CDH13: variants seen among roughly 807,000 people sequenced by gnomAD.
CDH13 encodes cadherin-13.
A neutral mutation model predicts 63.8 loss-of-function variants in CDH13; 24 were observed. The ratio of observed to expected loss-of-function variants is 0.38; its 90% confidence interval spans 0.27 to 0.53. The LOEUF is 0.53. CDH13 is among the 20% of genes least tolerant of loss of function. The pLI, the probability that CDH13 is intolerant of heterozygous loss-of-function variation, is 0.85. For synonymous variants in CDH13, 503 were observed against 355.3 expected, an observed-to-expected ratio of 1.42 and a Z score of -4.67; for missense variants, 1,049 against 903.1, an observed-to-expected ratio of 1.16 and a Z score of -2.07.
intron 1 of CDH13, among the ~76,000 whole-genome samples, chr16:82,833,420 G>C (rs992471785): frequency 6.6e-6 from 1 of 152,170 alleles, no homozygotes; most frequent in Non-Finnish European, 1.5e-5. Context: ...CTCAAAGCCA[G>C]GTTTGCTTGA....
chr16:83,346,158 C>T (rs2090835399), intron 6 of CDH13, among the ~76,000 whole-genome samples: 1 of 152,170 alleles, frequency 6.6e-6, no homozygotes, highest in Non-Finnish European at 1.5e-5. Context: ...AGCAAATGCA[C>T]TGCGTGTGTG....
At chr16:83,000,223 A>ATTATTTTTT (rs1912728584) in intron 2 of CDH13, among the ~76,000 whole-genome samples, 1 of 36,986 alleles carries the variant, frequency 2.7e-5, no homozygotes, top group African/African-American at 7.8e-5. Flanking sequence ...GGTTTAGCTT[A>ATTATTTTTT]TTTTTTTTTT....
chr16:83,718,683 C>A (rs930769803), intron 10 of CDH13, among the ~76,000 whole-genome samples: 1 of 152,158 alleles, frequency 6.6e-6, no homozygotes, highest in African/African-American at 2.4e-5. Flanking sequence ...AAATCCACCA[C>A]CACGATGGGT....
chr16:83,538,359 G>A (rs963165885), intron 7 of CDH13, among the ~76,000 whole-genome samples: 4 of 152,176 alleles, frequency 2.6e-5, no homozygotes, highest in African/African-American at 9.7e-5. Context: ...ACTCATCTCC[G>A]TAGATGATCA....
At chr16:83,381,850 G>T (rs1385473327) in intron 6 of CDH13, among the ~76,000 whole-genome samples, 1 of 152,032 alleles carries the variant, frequency 6.6e-6, no homozygotes, top group African/African-American at 2.4e-5. Context: ...CTAACAAGTT[G>T]CTCCTTATAC....
intron 1 of CDH13, among the ~76,000 whole-genome samples, chr16:82,663,144 C>A (rs1912165233): frequency 6.6e-6 from 1 of 152,114 alleles, no homozygotes; most frequent in South Asian, 2.1e-4. Context: ...TGAATAAATA[C>A]CCTTACTGAA....
intron 2 of CDH13, among the ~76,000 whole-genome samples, chr16:82,897,411 T>A (rs936819507): frequency 6.6e-6 from 1 of 152,238 alleles, no homozygotes; most frequent in Non-Finnish European, 1.5e-5. Flanking sequence ...AAAGAATTAC[T>A]CCTTCATGTT....
At chr16:82,695,076 C>T (rs937369627) in intron 1 of CDH13, among the ~76,000 whole-genome samples, 5 of 151,992 alleles carry the variant, frequency 3.3e-5, no homozygotes, top group South Asian at 2.1e-4. Context: ...AAAGTCCTGT[C>T]GGCTGGAGGA....
chr16:83,460,677 C>T lies in CDH13; in HGVS notation c.782-25800C>T, dbSNP rs113976333. ...ACAGATAAGAAGTAAAACTATGAAGCAAAACAATGAATAATAGATTTAAAA... is the reference window on the plus strand; with the variant it reads ...ACAGATAAGAAGTAAAACTATGAAGTAAAACAATGAATAATAGATTTAAAA... On this transcript the variant is annotated intron_variant, in intron 6 of 13. Coordinates refer to ENST00000567109, the MANE Select transcript of CDH13 (RefSeq NM_001257.5). 5.6e-3 allele frequency among the ~76,000 whole-genome samples: 845 copies of T among 152,062 alleles called. 7 individuals are homozygous for T. The highest frequency in any genetic ancestry group is 0.019 in the African/African-American group (794 of 41,470).
intron 1 of CDH13, among the ~76,000 whole-genome samples, chr16:82,749,660 T>C (rs534750294): frequency 6.6e-6 from 1 of 152,322 alleles, no homozygotes; most frequent in Non-Finnish European, 1.5e-5. Context: ...TTCCATTGCA[T>C]TATGTATATA....
At chr16:82,730,535 T>G (rs759774819) in intron 1 of CDH13, among the ~76,000 whole-genome samples, 117 of 152,312 alleles carry the variant, frequency 7.7e-4, no homozygotes, top group Non-Finnish European at 1.2e-3. Context: ...GTTACAATAG[T>G]AACATCAAAG....
intron 1 of CDH13, among the ~76,000 whole-genome samples, chr16:82,677,748 C>G (rs1393945016): frequency 6.6e-6 from 1 of 152,200 alleles, no homozygotes; most frequent in African/African-American, 2.4e-5. Context: ...TATACTAACA[C>G]AAATGTTTTC....
Position 82,627,380 on chromosome 16 carries a change from G to GTGTGTGTA in CDH13, c.45+244_45+245insGTGTGTAT, listed in dbSNP as rs1468653196. On this transcript the variant is annotated intron_variant, in intron 1 of 13. Coordinates refer to ENST00000567109, the MANE Select transcript of CDH13 (RefSeq NM_001257.5). ...TGTGTGTGTGTGTGTGTGTGTGTGT[G>GTGTGTGTA]TACGTTCGTTAACGGGAGGAGGAGA... 2.9e-4 allele frequency among the ~76,000 whole-genome samples: 41 copies of GTGTGTGTA among 142,520 alleles called. No homozygotes were observed. The East Asian group carries it at 8.0e-3, about 28-fold the overall frequency. The allele number at this position is 142,520 out of a possible 152,430, so 93.5% of individuals were successfully genotyped here. A position where few individuals can be genotyped will look rare whatever the true frequency, so the allele number is the denominator to read the frequency against.
intron 7 of CDH13, among the ~76,000 whole-genome samples, chr16:83,517,909 A>C (rs1255728808): frequency 6.6e-6 from 1 of 152,066 alleles, no homozygotes; most frequent in Admixed American, 6.5e-5. Flanking sequence ...TCTGAGGTCG[A>C]TATTATTATC....
chr16:82,732,518 C>T (rs534783044), intron 1 of CDH13, among the ~76,000 whole-genome samples: 7 of 152,252 alleles, frequency 4.6e-5, no homozygotes, highest in Non-Finnish European at 7.4e-5. Context: ...ATTTCTGAAG[C>T]TGTTGTAAAT....
chr16:83,471,905 C>A (rs139788368), intron 6 of CDH13, among the ~76,000 whole-genome samples: 1 of 152,158 alleles, frequency 6.6e-6, no homozygotes, highest in African/African-American at 2.4e-5. Context: ...GATTGTCTCC[C>A]TTGTACAAAT....
chr16:83,567,066 C>A (rs1904287558), intron 7 of CDH13, among the ~76,000 whole-genome samples: 1 of 152,166 alleles, frequency 6.6e-6, no homozygotes, highest in Non-Finnish European at 1.5e-5. Flanking sequence ...AAATTCCTTA[C>A]AATTTTCCCC....
intron 3 of CDH13, among the ~76,000 whole-genome samples, chr16:83,058,247 A>G (rs917900633): frequency 3.9e-5 from 6 of 151,956 alleles, no homozygotes; most frequent in African/African-American, 1.5e-4. Context: ...TTCTATTCTC[A>G]TCTTTGTTGG....
chr16:83,279,338 T>C (rs1231679274), intron 5 of CDH13, among the ~76,000 whole-genome samples: 1 of 152,216 alleles, frequency 6.6e-6, no homozygotes, highest in East Asian at 1.9e-4. Flanking sequence ...CATTCCACTC[T>C]TGAGTTTGAA....
Sources: allele counts gnomAD v4.1 joint callset (sites outside exome capture counted in the v4.1 genomes callset), GRCh38; gene constraint gnomAD v4.1.1; transcripts MANE v1.5; gene names NCBI Gene and HGNC (gene_info 2026-07-23, HGNC 2026-07-21).